Variants in CSNK2A2IP observed in about 807,000 individuals in gnomAD.
CSNK2A2IP encodes casein kinase II subunit alpha'-interacting protein.
the CSNK2A2IP span, among the ~76,000 whole-genome samples, chr3:88,370,808 G>A: frequency 6.6e-6 from 1 of 151,634 alleles, no homozygotes; most frequent in African/African-American, 2.4e-5. Context: ...TTAGTCCCAA[G>A]GAACTAATTA....
At chr3:88,432,816 T>C in the CSNK2A2IP span, among the ~76,000 whole-genome samples, 1 of 150,968 alleles carries the variant, frequency 6.6e-6, no homozygotes, top group Non-Finnish European at 1.5e-5. Context: ...AATATTATAA[T>C]ATAAATCCTG....
At chr3:88,437,949 T>G in the CSNK2A2IP span, among the ~76,000 whole-genome samples, 101,408 of 152,008 alleles carry the variant, frequency 0.67, 34,827 homozygotes, top group Non-Finnish European at 0.76. Context: ...GATTACGAAG[T>G]AGAAATCTGG....
the CSNK2A2IP span, among the ~76,000 whole-genome samples, chr3:88,391,257 G>A: frequency 1.3e-5 from 2 of 152,242 alleles, no homozygotes; most frequent in South Asian, 4.1e-4. Context: ...CATTCTTGAG[G>A]ATAGTTTTTC....
the CSNK2A2IP span, among the ~76,000 whole-genome samples, chr3:88,433,871 C>CA: frequency 6.6e-6 from 1 of 152,152 alleles, no homozygotes; most frequent in Admixed American, 6.5e-5. Context: ...CTGCTGTCTC[C>CA]ACTGGACTGG....
chr3:88,462,455 G>T, the CSNK2A2IP span, among the ~76,000 whole-genome samples: 1,280 of 152,184 alleles, frequency 8.4e-3, 14 homozygotes, highest in African/African-American at 0.03. Flanking sequence ...GAGCAGCTGT[G>T]GTGTCTCACC....
the CSNK2A2IP span, among the ~76,000 whole-genome samples, chr3:88,446,213 C>T: frequency 0.013 from 1,989 of 151,686 alleles, 36 homozygotes; most frequent in African/African-American, 0.046. Context: ...CTCAGCCTCC[C>T]GAGTAGCTGG....
At chr3:88,357,619 C>T in the CSNK2A2IP span, among the ~76,000 whole-genome samples, 9 of 152,090 alleles carry the variant, frequency 5.9e-5, no homozygotes, top group Non-Finnish European at 1.3e-4. Flanking sequence ...ATGTGAAGAA[C>T]ATCATTGTTA....
At chr3:88,424,790 G>A in the CSNK2A2IP span, among the ~76,000 whole-genome samples, 4 of 140,014 alleles carry the variant, frequency 2.9e-5, no homozygotes, top group South Asian at 2.4e-4. Context: ...ATTATTTCCC[G>A]TAGCAACCTT....
the CSNK2A2IP span, among the ~76,000 whole-genome samples, chr3:88,426,733 T>C: frequency 2.6e-5 from 4 of 152,290 alleles, no homozygotes; most frequent in Middle Eastern, 3.4e-3. Flanking sequence ...GAATTTGCTT[T>C]GCCTTCGCCA....
At chr3:88,455,908 ATT>A in the CSNK2A2IP span, among the ~76,000 whole-genome samples, 39 of 150,838 alleles carry the variant, frequency 2.6e-4, no homozygotes, top group African/African-American at 8.0e-4. Flanking sequence ...CTATTTAATG[ATT>A]TTTTTTTTGA....
chr3:88,377,905 G>GA, the CSNK2A2IP span, among the ~76,000 whole-genome samples: 1 of 151,658 alleles, frequency 6.6e-6, no homozygotes, highest in African/African-American at 2.4e-5. Context: ...TTTTGTAATT[G>GA]AAAAAAATTC....
the CSNK2A2IP span, chr3:88,466,702 T>A: frequency 1.8e-6 from 2 of 1,135,688 alleles, no homozygotes; most frequent in South Asian, 8.9e-5. Flanking sequence ...GAGGGATCTC[T>A]GTAGGCAGAT....
At chr3:88,418,623 T>A in the CSNK2A2IP span, among the ~76,000 whole-genome samples, 46 of 152,290 alleles carry the variant, frequency 3.0e-4, no homozygotes, top group South Asian at 6.2e-4. Context: ...TTAAAAAAAA[T>A]TTATTTTTAT....
the CSNK2A2IP span, among the ~76,000 whole-genome samples, chr3:88,370,455 G>A: frequency 6.6e-6 from 1 of 151,592 alleles, no homozygotes; most frequent in African/African-American, 2.4e-5. Context: ...GCAAAGTTGT[G>A]TTTTTTTGTA....
At chr3:88,387,912 A>T in the CSNK2A2IP span, among the ~76,000 whole-genome samples, 4,367 of 152,186 alleles carry the variant, frequency 0.029, 118 homozygotes, top group East Asian at 0.14. Flanking sequence ...TTGTCTGTAG[A>T]GACGTGGTCT....
the CSNK2A2IP span, among the ~76,000 whole-genome samples, chr3:88,416,654 C>T: frequency 3.3e-5 from 5 of 152,178 alleles, no homozygotes; most frequent in East Asian, 3.8e-4. Flanking sequence ...ACCCTTAATA[C>T]ATCCACTCAT....
chr3:88,385,258 G>A, the CSNK2A2IP span, among the ~76,000 whole-genome samples: 20 of 152,264 alleles, frequency 1.3e-4, no homozygotes, highest in Middle Eastern at 6.8e-3. Context: ...AAAACTGGGC[G>A]TGTGTAGTGA....
the CSNK2A2IP span, among the ~76,000 whole-genome samples, chr3:88,339,327 T>A: frequency 6.6e-6 from 1 of 152,068 alleles, no homozygotes; most frequent in Non-Finnish European, 1.5e-5. Flanking sequence ...CTAATTTCAC[T>A]TAACATAATG....
At chr3:88,434,831 G>C in the CSNK2A2IP span, among the ~76,000 whole-genome samples, 1 of 152,124 alleles carries the variant, frequency 6.6e-6, no homozygotes, top group Admixed American at 6.5e-5. Flanking sequence ...CTAGCTCTTG[G>C]AATTAGGGGA....
Sources: allele counts gnomAD v4.1 joint callset (sites outside exome capture counted in the v4.1 genomes callset), GRCh38; gene constraint gnomAD v4.1.1; transcripts MANE v1.5; gene names NCBI Gene and HGNC (gene_info 2026-07-23, HGNC 2026-07-21).